NCOA1: variants seen among roughly 807,000 people sequenced by gnomAD.
NCOA1 encodes Hin-2 protein.
In NCOA1, 35 loss-of-function variants were observed where a neutral mutation model predicts 150.9. That is an observed-to-expected ratio of 0.23 (90% CI 0.18 to 0.31). The LOEUF (loss-of-function observed/expected upper bound fraction) is 0.31, where lower values mean the gene tolerates loss of function less well. Among genes scored for constraint, NCOA1 ranks in the 10% least tolerant of loss-of-function variants. The pLI, the probability that NCOA1 is intolerant of heterozygous loss-of-function variation, is 1.00. For synonymous variants in NCOA1, 590 were observed against 630.0 expected (o/e 0.94, Z 0.95); for missense variants, 1,491 against 1,749.3 (o/e 0.85, Z 2.63).
intron 1 of NCOA1, among the ~76,000 whole-genome samples, chr2:24,525,671 T>C (rs1664624719): frequency 6.6e-6 from 1 of 151,966 alleles, no homozygotes; most frequent in South Asian, 2.1e-4. Context: ...CTCGGCCTTC[T>C]GGGTAGCTGG....
At chr2:24,574,064 T>C (rs748347528) in intron 2 of NCOA1, among the ~76,000 whole-genome samples, 1 of 151,660 alleles carries the variant, frequency 6.6e-6, no homozygotes, top group Non-Finnish European at 1.5e-5. Context: ...AAATGAAAAA[T>C]CTAAAAGCTA....
chr2:24,563,417 G>A (rs552141541), intron 1 of NCOA1, among the ~76,000 whole-genome samples: 6 of 152,284 alleles, frequency 3.9e-5, no homozygotes, highest in Admixed American at 3.9e-4. Flanking sequence ...CTGATCCACT[G>A]CCTGTCTTTG....
At chr2:24,578,368 G>A (rs1244779270) in intron 2 of NCOA1, among the ~76,000 whole-genome samples, 2 of 152,038 alleles carry the variant, frequency 1.3e-5, no homozygotes, top group African/African-American at 4.8e-5. Context: ...TCTAAAGTAA[G>A]AAGACTGTAA....
intron 17 of NCOA1, among the ~76,000 whole-genome samples, chr2:24,734,560 G>A (rs906234921): frequency 9.9e-5 from 15 of 152,072 alleles, no homozygotes; most frequent in Admixed American, 7.9e-4. Flanking sequence ...TTTGAGAGGC[G>A]TAGGCAGGAA....
intron 3 of NCOA1, among the ~76,000 whole-genome samples, chr2:24,632,739 T>G (rs1318838296): frequency 6.6e-6 from 1 of 152,212 alleles, no homozygotes; most frequent in East Asian, 1.9e-4. Flanking sequence ...CTTGGTAAGT[T>G]TGTTTCTTAT....
intron 8 of NCOA1, among the ~76,000 whole-genome samples, chr2:24,686,192 G>A (rs947700026): frequency 1.3e-5 from 2 of 151,918 alleles, no homozygotes; most frequent in African/African-American, 4.8e-5. Flanking sequence ...AGTAGAGACA[G>A]GGGTTTCACC....
intron 1 of NCOA1, among the ~76,000 whole-genome samples, chr2:24,551,449 G>A (rs988735534): frequency 2.0e-5 from 3 of 151,992 alleles, no homozygotes; most frequent in Admixed American, 6.5e-5. Context: ...AACAGCAAAA[G>A]TTTAAAATTT....
chr2:24,645,762 A>G (rs1427484691), intron 4 of NCOA1, among the ~76,000 whole-genome samples: 2 of 152,184 alleles, frequency 1.3e-5, no homozygotes, highest in African/African-American at 4.8e-5. Context: ...ATTGTGGAGC[A>G]TATCGGATTT....
intron 3 of NCOA1, among the ~76,000 whole-genome samples, chr2:24,603,114 C>T (rs1668202435): frequency 6.6e-6 from 1 of 152,136 alleles, no homozygotes; most frequent in South Asian, 2.1e-4. Flanking sequence ...TTTGCTTCCC[C>T]AGTGCTTATA....
chr2:24,508,433 CA>C (rs548118096), intron 1 of NCOA1, among the ~76,000 whole-genome samples: 54 of 148,806 alleles, frequency 3.6e-4, no homozygotes, highest in Middle Eastern at 3.5e-3. Flanking sequence ...TTTGCAATGA[CA>C]AAAAAAAAGG....
chr2:24,502,251 A>G (rs536898989), intron 1 of NCOA1, among the ~76,000 whole-genome samples: 11 of 152,308 alleles, frequency 7.2e-5, no homozygotes, highest in Admixed American at 1.3e-4. Context: ...CTTTTGACCT[A>G]TCTTTAGCAT....
In NCOA1 at chr2:24,707,699, A is replaced by G; in HGVS notation, c.2229A>G (p.Ser743=). The part of the protein sequence containing the change: ...LELDASKKKE[S]KDHQLLRYLL... ...TGGATGCTTCAAAGAAAAAAGAATC[A>G]AAAGACCATCAGCTCCTACGCTATC... is the stretch of plus-strand genomic sequence containing the variant. The change falls in exon 13 of 23, where the codon TCA becomes TCG. Residue 743 remains serine, a synonymous_variant. Coordinates refer to ENST00000348332, the MANE Select transcript of NCOA1 (RefSeq NM_003743.5). 2 of 1,614,230 alleles carry G rather than the reference A, an allele frequency of 1.2e-6. No homozygotes were observed. The highest frequency in any genetic ancestry group is 1.7e-6 in the Non-Finnish European group (2 of 1,180,016).
chr2:24,645,919 G>T (rs1978882), intron 4 of NCOA1, among the ~76,000 whole-genome samples: 6,924 of 152,174 alleles, frequency 0.046, 250 homozygotes, highest in East Asian at 0.19. Context: ...ATAATAAAGA[G>T]AAATTTTAAT....
At chr2:24,715,527 G>T (rs549970556) in intron 14 of NCOA1, among the ~76,000 whole-genome samples, 1 of 152,222 alleles carries the variant, frequency 6.6e-6, no homozygotes, top group African/African-American at 2.4e-5. Flanking sequence ...AAAGCTACTT[G>T]AACTAAATGA....
chr2:24,658,601 C>A, intron 4 of NCOA1, 60 bp from the exon 5 acceptor site: 1 of 1,297,304 alleles, frequency 7.7e-7, no homozygotes, highest in Non-Finnish European at 1.1e-6. Flanking sequence ...AGCTTCCCTA[C>A]CTTTATTTGG....
intron 17 of NCOA1, among the ~76,000 whole-genome samples, chr2:24,735,974 C>T (rs986888873): frequency 2.6e-5 from 4 of 152,154 alleles, no homozygotes; most frequent in Non-Finnish European, 5.9e-5. Context: ...GTAATCCCAG[C>T]ACTTTGGGAG....
chr2:24,506,045 C>T (rs1663679620), intron 1 of NCOA1, among the ~76,000 whole-genome samples: 1 of 151,820 alleles, frequency 6.6e-6, no homozygotes, highest in South Asian at 2.1e-4. Flanking sequence ...GATCTAGTTG[C>T]ACTCTGTATT....
chr2:24,695,414 G>A (rs11894404), intron 10 of NCOA1, among the ~76,000 whole-genome samples: 22,386 of 152,010 alleles, frequency 0.15, 2,019 homozygotes, highest in Non-Finnish European at 0.2. Flanking sequence ...CTAATGTGGA[G>A]CCCTTTCTTG....
chr2:24,662,947 C>T (rs1671251707), intron 5 of NCOA1, among the ~76,000 whole-genome samples: 1 of 144,460 alleles, frequency 6.9e-6, no homozygotes, highest in Non-Finnish European at 1.5e-5. Context: ...ACCATCACGC[C>T]TGGCTAATTT....
Sources: allele counts gnomAD v4.1 joint callset (sites outside exome capture counted in the v4.1 genomes callset), GRCh38; gene constraint gnomAD v4.1.1; transcripts MANE v1.5; gene names NCBI Gene and HGNC (gene_info 2026-07-23, HGNC 2026-07-21).